ZC3H18: variants seen among roughly 807,000 people sequenced by gnomAD.
ZC3H18 encodes the protein zinc finger CCCH-type containing 18, also known as zinc finger CCCH domain-containing protein 18.
In ZC3H18, 8 loss-of-function variants were observed where a neutral mutation model predicts 106.1. The observed-to-expected ratio is 0.08, with a 90% CI of 0.04 to 0.14. The LOEUF is 0.14. Ranked by LOEUF, ZC3H18 falls within the 10% of genes least tolerant of loss-of-function variation. The probability of loss-of-function intolerance (pLI) is 1.00; values close to 1 mark genes in which losing one functional copy is unlikely to be tolerated. For synonymous variants in ZC3H18, 635 were observed against 522.1 expected, an observed-to-expected ratio of 1.22 and a Z score of -2.95; for missense variants, 1,318 against 1,278.4, an observed-to-expected ratio of 1.03 and a Z score of -0.47.
chr16:88,614,171 C>G (rs900708923), intron 8 of ZC3H18, among the ~76,000 whole-genome samples: 4 of 152,254 alleles, frequency 2.6e-5, no homozygotes, highest in Admixed American at 2.6e-4. Flanking sequence ...CCTACACCTT[C>G]CAGTAACACT....
intron 3 of ZC3H18, among the ~76,000 whole-genome samples, chr16:88,594,556 G>A (rs984594403): frequency 6.6e-6 from 1 of 152,162 alleles, no homozygotes; most frequent in Non-Finnish European, 1.5e-5. Flanking sequence ...TGGGTTGGTT[G>A]CTACTGAGCA....
chr16:88,631,465 CT>C lies in ZC3H18; in HGVS notation c.*167del. On this transcript the variant is annotated 3_prime_UTR_variant, in exon 18 of 18. Coordinates refer to ENST00000301011, the MANE Select transcript of ZC3H18 (RefSeq NM_144604.4). Reference sequence around the variant, plus strand: ...AGCCACACAGGAAATGACAACGACGCTGAATCCCAGCCTCCCTCCCCAGAGC... The same window carrying C: ...AGCCACACAGGAAATGACAACGACGCGAATCCCAGCCTCCCTCCCCAGAGC... 2 of 937,234 alleles carry C rather than the reference CT, an allele frequency of 2.1e-6. No homozygotes were observed. Among genetic ancestry groups the C allele is most frequent in the South Asian group, 3.1e-5 (2 of 65,332 alleles). The allele number at this position is 937,234 out of a possible 1,614,324, so 58.1% of individuals were successfully genotyped here.
chr16:88,626,751 A>G (rs371000310), intron 13 of ZC3H18: 13 of 152,248 alleles, frequency 8.5e-5, no homozygotes, highest in African/African-American at 2.2e-4. Context: ...CCGGTACCCA[A>G]TGTACCTGGA....
intron 6 of ZC3H18, among the ~76,000 whole-genome samples, chr16:88,600,181 A>G (rs1044216887): frequency 6.6e-6 from 1 of 152,114 alleles, no homozygotes; most frequent in African/African-American, 2.4e-5. Flanking sequence ...GACTGGCAGC[A>G]CTCACACCGT....
chr16:88,587,561 C>A, intron 3 of ZC3H18: 1 of 1,536,092 alleles, frequency 6.5e-7, no homozygotes, highest in Non-Finnish European at 8.7e-7. Flanking sequence ...CACCATTATC[C>A]ACTCTTCTTC....
chr16:88,612,133 G>C (rs768416954), intron 8 of ZC3H18, among the ~76,000 whole-genome samples: 2 of 152,234 alleles, frequency 1.3e-5, no homozygotes, highest in East Asian at 3.8e-4. Flanking sequence ...ACAGGCAGGC[G>C]CTGGGGCTCA....
intron 17 of ZC3H18, among the ~76,000 whole-genome samples, 168 bp downstream of exon 17, chr16:88,630,749 A>ACCCCCCCCCCCCCCCCCC (rs1277102238): frequency 4.6e-5 from 2 of 43,182 alleles, no homozygotes; most frequent in African/African-American, 7.8e-5. Context: ...TTGCAGCCCC[A>ACCCCCCCCCCCCCCCCCC]CCCCCCACCC....
intron 3 of ZC3H18, among the ~76,000 whole-genome samples, chr16:88,593,854 C>G (rs145642826): frequency 4.6e-5 from 7 of 152,318 alleles, no homozygotes; most frequent in Non-Finnish European, 7.3e-5. Context: ...CTCAGTGTGT[C>G]AGGACTTTCT....
At position 88,586,658 on chromosome 16, in the gene ZC3H18, G is replaced by T. The variant is rs1165259939; in HGVS notation, c.662G>T (p.Arg221Leu). 2 of 1,614,052 alleles carry T rather than the reference G, an allele frequency of 1.2e-6. No individual in the cohort carries two copies. Among genetic ancestry groups the T allele is most frequent in the Admixed American group, 1.7e-5 (1 of 60,002 alleles). The change falls in exon 3 of 18, where the codon CGT becomes CTT. Residue 221 changes from arginine to leucine, a missense_variant. Physicochemically the swap from Arg to Leu is moderately radical, Grantham distance 102. This residue lies in a region of ZC3H18 where 30 missense variants were observed against 63.3 expected (regional missense o/e 0.47). Coordinates refer to ENST00000301011, the MANE Select transcript of ZC3H18 (RefSeq NM_144604.4). Reference protein sequence around the residue: ...KDPSDRKVRPRPTCRFFMKGN... With the variant: ...KDPSDRKVRPLPTCRFFMKGN... ...CCCAGTGACAGGAAGGTGAGGCCTCGTCCCACCTGCCGGTTCTTCATGAAA... is the reference window on the plus strand; with the variant it reads ...CCCAGTGACAGGAAGGTGAGGCCTCTTCCCACCTGCCGGTTCTTCATGAAA...
At chr16:88,631,001 G>A (rs1906651961) in intron 17 of ZC3H18, 100 bp from the exon 18 acceptor site, 2 of 1,467,240 alleles carry the variant, frequency 1.4e-6, no homozygotes, top group East Asian at 2.3e-5. Flanking sequence ...TGTCCTGGTG[G>A]CCGCTGAGGA....
intron 8 of ZC3H18, among the ~76,000 whole-genome samples, chr16:88,621,890 C>T (rs1438945020): frequency 1.3e-5 from 2 of 152,158 alleles, no homozygotes; most frequent in East Asian, 1.9e-4. Context: ...GAGCTGACAG[C>T]GTAGTTGGAA....
rs191784593 is a variant in ZC3H18 at position 88,581,526 on chromosome 16, C to T, written c.603+3800C>T. Among the ~76,000 whole-genome samples the T allele has an allele frequency of 1.5e-4, 23 of 152,266 alleles. No individual in the cohort carries two copies. The South Asian group carries it at 3.1e-3, about 21-fold the overall frequency. ...TGATGCAAGTATCTTCTGGAAGTGC[C>T]GCTGGCCTGCGTGGTGGGGTGGAAA... On this transcript the variant is annotated intron_variant, in intron 2 of 17. Coordinates refer to ENST00000301011, the MANE Select transcript of ZC3H18 (RefSeq NM_144604.4).
chr16:88,603,585 C>CT (rs1293699611), intron 6 of ZC3H18, among the ~76,000 whole-genome samples: 1 of 149,816 alleles, frequency 6.7e-6, no homozygotes, highest in African/African-American at 2.4e-5. Flanking sequence ...GATCATGCCC[C>CT]TGCACTCCAG....
intron 2 of ZC3H18, among the ~76,000 whole-genome samples, chr16:88,584,309 C>T (rs1460105066): frequency 6.6e-6 from 1 of 151,864 alleles, no homozygotes; most frequent in African/African-American, 2.4e-5. Context: ...GTAATCCCAG[C>T]TACTCAGGAG....
intron 1 of ZC3H18, among the ~76,000 whole-genome samples, chr16:88,573,398 C>T (rs938571867): frequency 1.3e-5 from 2 of 152,050 alleles, no homozygotes; most frequent in Admixed American, 6.6e-5. Context: ...CTGCCACAAC[C>T]CCACGCAGAC....
rs777007173 is a variant in ZC3H18 at position 88,608,967 on chromosome 16, T to C, written c.1122T>C (p.Tyr374=). 8 of 1,613,846 alleles carry C rather than the reference T, an allele frequency of 5.0e-6. No homozygotes were observed. The highest frequency in any genetic ancestry group is 6.8e-6 in the Non-Finnish European group (8 of 1,179,898). Residue 374 remains tyrosine, a synonymous_variant, in exon 7 of 18, where the codon TAT becomes TAC. Transcript: ENST00000301011. The part of the protein sequence containing the change: ...LEPYADPYYD[Y]EIERFWRGGQ... Reference sequence around the variant, plus strand: ...CTTACGCAGACCCTTATTATGACTATGAAATTGAGCGGTTTTGGCGTGGCG... The same window carrying C: ...CTTACGCAGACCCTTATTATGACTACGAAATTGAGCGGTTTTGGCGTGGCG...
At position 88,577,211 on chromosome 16, in the gene ZC3H18, A is replaced by C; in HGVS notation, c.88A>C (p.Arg30=). Residue 30 remains arginine, a synonymous_variant, in exon 2 of 18, where the codon AGG becomes CGG. Coordinates refer to ENST00000301011, the MANE Select transcript of ZC3H18 (RefSeq NM_144604.4). ...GGGACTCTCGGACGATGACATTCTG[A>C]GGGACAGCGGGTCCGATCAGGATTT... The part of the protein sequence containing the change: ...PQGLSDDDIL[R]DSGSDQDLDG... 1.2e-6 allele frequency: 2 copies of C among 1,611,912 alleles called. No individual in the cohort carries two copies. Among genetic ancestry groups the C allele is most frequent in the African/African-American group, 2.7e-5 (2 of 74,542 alleles).
At chr16:88,609,290 G>T in intron 7 of ZC3H18, 1 of 298,596 alleles carries the variant, frequency 3.3e-6, no homozygotes, top group Non-Finnish European at 6.4e-6. Flanking sequence ...TTGTTTTTTT[G>T]TGTGGTGTTT....
rs538181408 is a variant in ZC3H18, at chr16:88,627,334, G to A, written c.2109-288G>A. 6.9e-5 allele frequency: 21 copies of A among 306,018 alleles called. No homozygotes were observed. Among genetic ancestry groups the A allele is most frequent in the African/African-American group, 4.2e-4 (20 of 47,396 alleles). 19.0% of individuals were successfully genotyped at this position (306,018 alleles called of 1,614,324 possible). The stretch of plus-strand genomic sequence containing the variant: ...AGCTGGGTCTCAGACCCCATTGCTC[G>A]TGACGAGATCTGCCCATCTCAGTCT... On this transcript the variant is annotated intron_variant, in intron 13 of 17. Coordinates refer to ENST00000301011, the MANE Select transcript of ZC3H18 (RefSeq NM_144604.4). This position sits in a 1 kb window ranked among gnomAD's most constrained non-coding sequence, Gnocchi z 4.5.
Sources: gnomAD v4.1 joint callset for allele counts (sites outside exome capture counted in the v4.1 genomes callset) on GRCh38, gnomAD v4.1.1 for gene constraint, gnomAD v4.1.1 regional missense constraint, Gnocchi (gnomAD v3.1) non-coding constraint, MANE v1.5 for transcripts, NCBI Gene and HGNC (gene_info 2026-07-23, HGNC 2026-07-21) for gene names.